HS3ST4: variants seen among roughly 807,000 people sequenced by gnomAD.
HS3ST4 encodes the protein heparan sulfate-glucosamine 3-sulfotransferase 4.
Under a neutral mutation model 29.2 loss-of-function variants are expected in HS3ST4, and 17 were observed. That is an observed-to-expected ratio of 0.58 (90% CI 0.40 to 0.87). The LOEUF (loss-of-function observed/expected upper bound fraction) is 0.87. Ranked by LOEUF, HS3ST4 falls within the 40% of genes least tolerant of loss-of-function variation. HS3ST4 has a pLI of 0.00. For missense variants in HS3ST4, 627 were observed against 634.5 expected, an observed-to-expected ratio of 0.99 and a Z score of 0.13; for synonymous variants, 314 against 285.7, an observed-to-expected ratio of 1.10 and a Z score of -1.00.
At chr16:25,704,898 T>C (rs1295875303) in intron 1 of HS3ST4, among the ~76,000 whole-genome samples, 1 of 136,534 alleles carries the variant, frequency 7.3e-6, no homozygotes, top group Non-Finnish European at 1.6e-5. Context: ...AAAAAAAAAT[T>C]GTAGAGAAGA....
intron 1 of HS3ST4, among the ~76,000 whole-genome samples, chr16:26,066,994 T>C (rs892246733): frequency 6.6e-6 from 1 of 152,152 alleles, no homozygotes; most frequent in South Asian, 2.1e-4. Context: ...GATAAAGTCA[T>C]ATGAGGACTC....
intron 1 of HS3ST4, among the ~76,000 whole-genome samples, chr16:25,879,454 C>T (rs1057468520): frequency 6.6e-5 from 10 of 152,032 alleles, no homozygotes; most frequent in South Asian, 4.2e-4. Context: ...AGGCACGTCT[C>T]GCATGGCAGC....
At chr16:25,696,707 A>C (rs1378279395) in intron 1 of HS3ST4, among the ~76,000 whole-genome samples, 1 of 152,190 alleles carries the variant, frequency 6.6e-6, no homozygotes, top group Non-Finnish European at 1.5e-5. Flanking sequence ...AGGGGAAAGT[A>C]ACTCAGGAAA....
In HS3ST4 at chr16:26,135,613, AAT is replaced by A. The variant is rs1339679415; in HGVS notation, c.737_738del (p.Asn246SerfsTer23). The A allele has an allele frequency of 2.5e-6, 4 of 1,586,752 alleles. No homozygotes were observed. The African/African-American group carries it at 5.4e-5, about 22-fold the overall frequency. ...CTTCCTTTTTCCTCCCTCTCCTAGA[AAT>A]GTGATGCCCAAGACTTTGGATGGGC... ...NYEKGLEWYR[N>X]VMPKTLDGQI... On this transcript the variant is annotated frameshift_variant and splice_region_variant, in exon 2 of 2. Transcript: ENST00000331351. LOFTEE classifies it high-confidence loss of function.
At chr16:25,989,643 C>T (rs1159656128) in intron 1 of HS3ST4, among the ~76,000 whole-genome samples, 1 of 152,162 alleles carries the variant, frequency 6.6e-6, no homozygotes. Context: ...AGTTAAGGTC[C>T]CGTATGAGGC....
chr16:26,029,436 A>G (rs886555434), intron 1 of HS3ST4, among the ~76,000 whole-genome samples: 3 of 151,432 alleles, frequency 2.0e-5, no homozygotes, highest in Non-Finnish European at 4.4e-5. Context: ...TTTTTGAGAC[A>G]AAGTCTCACT....
At chr16:26,050,083 T>C (rs1898321346) in intron 1 of HS3ST4, among the ~76,000 whole-genome samples, 1 of 152,184 alleles carries the variant, frequency 6.6e-6, no homozygotes, top group Non-Finnish European at 1.5e-5. Context: ...AACTTAATCT[T>C]CTGCCCTCTC....
At chr16:25,807,041 C>T (rs909857715) in intron 1 of HS3ST4, among the ~76,000 whole-genome samples, 3 of 152,102 alleles carry the variant, frequency 2.0e-5, no homozygotes, top group Admixed American at 6.5e-5. Flanking sequence ...GGTGCAGTCT[C>T]GACTCATTGC....
intron 1 of HS3ST4, among the ~76,000 whole-genome samples, chr16:26,091,972 A>G (rs1400672588): frequency 2.6e-5 from 4 of 152,168 alleles, no homozygotes; most frequent in African/African-American, 9.7e-5. Context: ...CTGCAGGAGG[A>G]TCACAATATG....
At chr16:26,123,679 C>T (rs1474996761) in intron 1 of HS3ST4, among the ~76,000 whole-genome samples, 2 of 152,122 alleles carry the variant, frequency 1.3e-5, no homozygotes, top group Non-Finnish European at 2.9e-5. Flanking sequence ...TCCAAGCCTT[C>T]CCCCAAAGTC....
At chr16:26,015,226 C>T (rs1046365345) in intron 1 of HS3ST4, among the ~76,000 whole-genome samples, 3 of 152,102 alleles carry the variant, frequency 2.0e-5, no homozygotes, top group African/African-American at 7.2e-5. Flanking sequence ...ACAAGGTCAC[C>T]GTCAGGTGCA....
intron 1 of HS3ST4, chr16:26,032,811 TG>T: frequency 6.4e-7 from 1 of 1,557,842 alleles, no homozygotes; most frequent in Non-Finnish European, 8.8e-7. Context: ...CTCTTGGGCA[TG>T]GTGGTGGCGG....
At chr16:26,061,383 T>C (rs1426440593) in intron 1 of HS3ST4, among the ~76,000 whole-genome samples, 1 of 152,206 alleles carries the variant, frequency 6.6e-6, no homozygotes, top group Non-Finnish European at 1.5e-5. Context: ...GTGTTAGTCA[T>C]GGCAGAGAAT....
intron 1 of HS3ST4, among the ~76,000 whole-genome samples, chr16:26,133,352 C>T (rs1021681748): frequency 6.6e-6 from 1 of 152,176 alleles, no homozygotes; most frequent in African/African-American, 2.4e-5. Context: ...GGTTAAGTAA[C>T]TTCATCAAGG....
At chr16:26,092,620 C>G (rs912495870) in intron 1 of HS3ST4, among the ~76,000 whole-genome samples, 9 of 152,150 alleles carry the variant, frequency 5.9e-5, no homozygotes, top group Admixed American at 5.9e-4. Context: ...TAAGGAGATC[C>G]GTTCCAAGAT....
chr16:26,072,061 A>G (rs927253628), intron 1 of HS3ST4, among the ~76,000 whole-genome samples: 21 of 152,140 alleles, frequency 1.4e-4, no homozygotes, highest in Non-Finnish European at 4.4e-5. Flanking sequence ...ATCATTACAC[A>G]TGAAGGGGAG....
At chr16:25,869,625 A>G (rs1378437546) in intron 1 of HS3ST4, among the ~76,000 whole-genome samples, 1 of 152,182 alleles carries the variant, frequency 6.6e-6, no homozygotes, top group African/African-American at 2.4e-5. Context: ...CCATTCAGCC[A>G]CAGAGGGAGA....
chr16:25,895,661 A>G (rs1282896733), intron 1 of HS3ST4, among the ~76,000 whole-genome samples: 1 of 151,904 alleles, frequency 6.6e-6, no homozygotes. Flanking sequence ...GGAAGATTTG[A>G]GACCTGGTGA....
At chr16:25,856,638 G>A (rs1438727526) in intron 1 of HS3ST4, among the ~76,000 whole-genome samples, 1 of 152,124 alleles carries the variant, frequency 6.6e-6, no homozygotes, top group East Asian at 1.9e-4. Context: ...ACTAACAACA[G>A]ATAATGAGCT....
Sources: gnomAD v4.1 joint callset for allele counts (sites outside exome capture counted in the v4.1 genomes callset) on GRCh38, gnomAD v4.1.1 for gene constraint, MANE v1.5 for transcripts, NCBI Gene and HGNC (gene_info 2026-07-23, HGNC 2026-07-21) for gene names.